SSC4D: variants seen among roughly 807,000 people sequenced by gnomAD.
The protein encoded by SSC4D is scavenger receptor cysteine-rich domain-containing group B protein.
A neutral mutation model predicts 63.4 loss-of-function variants in SSC4D; 57 were observed. That is an observed-to-expected ratio of 0.90 (90% confidence interval 0.73 to 1.12). The LOEUF (loss-of-function observed/expected upper bound fraction) is 1.12. Among genes scored for constraint, SSC4D ranks in the 50% most tolerant of loss-of-function variants. The pLI is 0.00. For synonymous variants in SSC4D, 352 were observed against 345.4 expected (o/e 1.02, Z -0.21); for missense variants, 791 against 806.4 (o/e 0.98, Z 0.23).
chr7:76,390,919 G>A (rs538026568), intron 10 of SSC4D, among the ~76,000 whole-genome samples: 4 of 152,220 alleles, frequency 2.6e-5, no homozygotes, highest in South Asian at 2.1e-4. Flanking sequence ...CCCAGAAGCC[G>A]GACAGCAGCC....
At chr7:76,394,436 T>A (rs1804582539) in intron 7 of SSC4D, among the ~76,000 whole-genome samples, 1 of 149,982 alleles carries the variant, frequency 6.7e-6, no homozygotes, top group African/African-American at 2.5e-5. Flanking sequence ...TGATACAGAG[T>A]TTCGCTCTGT....
intron 4 of SSC4D, among the ~76,000 whole-genome samples, chr7:76,399,157 G>T (rs1338365150): frequency 3.3e-5 from 5 of 152,040 alleles, no homozygotes; most frequent in African/African-American, 1.2e-4. Flanking sequence ...GATTACAGGT[G>T]CCTGCCACCA....
In SSC4D at chr7:76,393,428, T is replaced by C; in HGVS notation, c.1310A>G (p.Glu437Gly). 6.7e-7 allele frequency: 1 copy of C among 1,501,830 alleles called. No individual in the cohort carries two copies. Among genetic ancestry groups the C allele is most frequent in the Non-Finnish European group, 8.8e-7 (1 of 1,130,750 alleles). The allele number at this position is 1,501,830 out of a possible 1,614,324, so 93.0% of individuals were successfully genotyped here. A position where few individuals can be genotyped will look rare whatever the true frequency, so the allele number is the denominator to read the frequency against. ...GWGQHNCGHH[E>G]DAGALCAGPE... ...ACCTGCGCAGAGCGCTCCCGCGTCC[T>C]CGTGGTGGCCGCAGTTGTGCTGGCC... Residue 437 changes from glutamate (E) to glycine (G), a missense_variant, in exon 9 of 11, where the codon GAG (glutamate) becomes GGG (glycine). Transcript: ENST00000275560.
At chr7:76,394,559 C>T (rs895292940) in intron 7 of SSC4D, among the ~76,000 whole-genome samples, 4 of 150,778 alleles carry the variant, frequency 2.7e-5, no homozygotes, top group East Asian at 1.9e-4. Context: ...TACAGGCGCC[C>T]GGCTAATTTT....
At chr7:76,401,288 T>G (rs923992605) in intron 2 of SSC4D, among the ~76,000 whole-genome samples, 1 of 152,180 alleles carries the variant, frequency 6.6e-6, no homozygotes, top group African/African-American at 2.4e-5. Flanking sequence ...AATCTGTAGA[T>G]CTGCACATCT....
rs1171597796 is a variant in SSC4D, at chr7:76,404,400, C to A, written c.40G>T (p.Asp14Tyr). ...EAEMLIGPQL[D>Y]EKRWGWRLGD... is the part of the protein sequence containing the mutation. ...AACCTCCACCCCCAGCGCTTCTCAT[C>A]CAGCTGGGGACCAATTAGCATCTCT... The change falls in exon 2 of 11, where the codon GAT becomes TAT. Residue 14 changes from aspartate (D) to tyrosine (Y), a missense_variant. Transcript: ENST00000275560. 1 of 1,614,112 alleles carries A rather than the reference C, an allele frequency of 6.2e-7. No homozygotes were observed. The highest frequency in any genetic ancestry group is 1.7e-5 in the Admixed American group (1 of 60,016).
At chr7:76,405,946 TTTCC>T (rs552015944) in intron 1 of SSC4D, among the ~76,000 whole-genome samples, 23 of 150,766 alleles carry the variant, frequency 1.5e-4, no homozygotes, top group Non-Finnish European at 2.1e-4. Flanking sequence ...CCTCCCTTTC[TTTCC>T]TTCCTTCCTT....
intron 1 of SSC4D, among the ~76,000 whole-genome samples, chr7:76,405,331 C>T (rs938071164): frequency 4.0e-3 from 106 of 26,222 alleles, no homozygotes; most frequent in Non-Finnish European, 5.5e-3. Context: ...TTTTTTCTTT[C>T]TTTCTTTCTT....
chr7:76,392,999 G>A (rs1353957775), intron 9 of SSC4D, among the ~76,000 whole-genome samples: 1 of 152,168 alleles, frequency 6.6e-6, no homozygotes, highest in Non-Finnish European at 1.5e-5. Context: ...TCCGCCCAAA[G>A]GTCACACGCT....
chr7:76,399,709 G>T (rs761220485), intron 4 of SSC4D, among the ~76,000 whole-genome samples: 2 of 151,866 alleles, frequency 1.3e-5, no homozygotes, highest in Non-Finnish European at 2.9e-5. Flanking sequence ...CTGATTTTTC[G>T]TAGAGATAAG....
chr7:76,390,404 G>T, intron 10 of SSC4D, 29 bp from the exon 11 acceptor site: 1 of 1,547,392 alleles, frequency 6.5e-7, no homozygotes, highest in Middle Eastern at 2.4e-4. Flanking sequence ...GGGTTGGAAG[G>T]GGCTGGTCCA....
intron 9 of SSC4D, among the ~76,000 whole-genome samples, chr7:76,392,538 CAAA>C (rs1172136856): frequency 9.0e-6 from 1 of 111,410 alleles, no homozygotes. Context: ...GACTCTGTCT[CAAA>C]AAAAAAAAAA....
chr7:76,402,445 G>C (rs933610385), intron 2 of SSC4D, among the ~76,000 whole-genome samples: 1 of 152,002 alleles, frequency 6.6e-6, no homozygotes, highest in African/African-American at 2.4e-5. Flanking sequence ...GCCTCCCAAA[G>C]TGCTAGGATT....
intron 1 of SSC4D, 83 bp downstream of exon 1, chr7:76,409,324 CACACACA>C (rs1563689241): frequency 1.4e-3 from 4 of 2,836 alleles, no homozygotes; most frequent in South Asian, 0.045. Flanking sequence ...CTCTCTGTCT[CACACACA>C]CACACACACA....
In SSC4D at chr7:76,404,409, G is replaced by A. The variant is rs1393654747; in HGVS notation, c.31C>T (p.Pro11Ser). The change falls in exon 2 of 11, where the codon CCC (proline) becomes TCC (serine). Residue 11 changes from proline to serine, a missense_variant. Transcript: ENST00000275560. Reference protein sequence around the residue: MHKEAEMLIGPQLDEKRWGWR... With the variant: MHKEAEMLIGSQLDEKRWGWR... ...CCCCAGCGCTTCTCATCCAGCTGGGGACCAATTAGCATCTCTGCTTCCTTG... is the reference window on the plus strand; with the variant it reads ...CCCCAGCGCTTCTCATCCAGCTGGGAACCAATTAGCATCTCTGCTTCCTTG... 4 of 1,613,972 alleles carry A rather than the reference G, an allele frequency of 2.5e-6. No homozygotes were observed. The highest frequency in any genetic ancestry group is 3.4e-6 in the Non-Finnish European group (4 of 1,180,012).
At chr7:76,404,635 G>T in intron 1 of SSC4D, 130 bp from the exon 2 acceptor site, 1 of 732,030 alleles carries the variant, frequency 1.4e-6, no homozygotes. Context: ...TCTACAAAAA[G>T]TTTTTAAAAA....
At chr7:76,398,888 G>A (rs1020467988) in intron 4 of SSC4D, 91 bp from the exon 5 acceptor site, 18 of 1,334,214 alleles carry the variant, frequency 1.3e-5, no homozygotes, top group Non-Finnish European at 1.7e-5. Context: ...GGACCCATAA[G>A]GTGCTTGCCG....
At chr7:76,407,392 C>T (rs189022032) in intron 1 of SSC4D, among the ~76,000 whole-genome samples, 261 of 150,344 alleles carry the variant, frequency 1.7e-3, no homozygotes, top group African/African-American at 6.1e-3. Flanking sequence ...AGTGCAGTGG[C>T]ACAATCTCGG....
At chr7:76,401,071 C>T (rs763839537) in intron 2 of SSC4D, 28 bp from the exon 3 acceptor site, 94 of 1,527,088 alleles carry the variant, frequency 6.2e-5, no homozygotes, top group Middle Eastern at 5.1e-4. Context: ...AGAGCATTGG[C>T]CCCTCTGCCC....
Sources: allele counts gnomAD v4.1 joint callset (sites outside exome capture counted in the v4.1 genomes callset), GRCh38; gene constraint gnomAD v4.1.1; transcripts MANE v1.5; gene names NCBI Gene and HGNC (gene_info 2026-07-23, HGNC 2026-07-21).